Variants in MCF2L2 observed in about 807,000 individuals in gnomAD.
MCF2L2 encodes probable guanine nucleotide exchange factor MCF2L2.
In MCF2L2, 102 loss-of-function variants were observed where a neutral mutation model predicts 150.2. That is an observed-to-expected ratio of 0.68 (90% CI 0.58 to 0.80). MCF2L2 has a LOEUF of 0.80. Ranked by LOEUF, MCF2L2 falls within the 30% of genes least tolerant of loss-of-function variation. The probability of loss-of-function intolerance (pLI) is 0.00; values close to 1 mark genes in which losing one functional copy is unlikely to be tolerated. For synonymous variants in MCF2L2, 465 were observed against 491.3 expected, an observed-to-expected ratio of 0.95 and a Z score of 0.71; for missense variants, 1,256 against 1,372.8, an observed-to-expected ratio of 0.91 and a Z score of 1.34.
intron 3 of MCF2L2, among the ~76,000 whole-genome samples, chr3:183,365,565 A>C (rs1712472391): frequency 6.6e-6 from 1 of 152,238 alleles, no homozygotes; most frequent in Non-Finnish European, 1.5e-5. Context: ...CTGAATAGCC[A>C]TTTTGAGAAA....
rs370642645 is a variant in MCF2L2 at position 183,294,345 on chromosome 3, TTTG to T, written c.1675+952_1675+954del. On this transcript the variant is annotated intron_variant, in intron 13 of 29. Transcript: ENST00000328913. ...ATTATTATGTTATTATTATGATGCA[TTTG>T]TTGTTGTTGTTGTTGTTGTTGAGAC... Among the ~76,000 whole-genome samples, 26 of 151,544 alleles carry T rather than the reference TTTG, an allele frequency of 1.7e-4. No homozygotes were observed. In the South Asian group the frequency reaches 3.1e-3, roughly 18 times the overall value.
chr3:183,344,631 C>T (rs888469812), intron 3 of MCF2L2, among the ~76,000 whole-genome samples: 20 of 152,094 alleles, frequency 1.3e-4, no homozygotes, highest in Non-Finnish European at 2.6e-4. Context: ...CACAGACTGG[C>T]AAATTGGATA....
chr3:183,292,556 T>TACACACACACACAC (rs58788215), intron 13 of MCF2L2, among the ~76,000 whole-genome samples: 37 of 145,574 alleles, frequency 2.5e-4, no homozygotes, highest in African/African-American at 9.3e-4. Context: ...AGGGGGTATG[T>TACACACACACACAC]ACACACACAC....
chr3:183,419,249 A>C (rs957022438), intron 1 of MCF2L2, among the ~76,000 whole-genome samples: 3 of 152,038 alleles, frequency 2.0e-5, no homozygotes, highest in African/African-American at 7.2e-5. Flanking sequence ...AGAGCAGTGG[A>C]CCCCTGGGCC....
intron 1 of MCF2L2, among the ~76,000 whole-genome samples, chr3:183,421,912 G>C (rs1162734199): frequency 6.6e-6 from 1 of 152,130 alleles, no homozygotes; most frequent in Non-Finnish European, 1.5e-5. Flanking sequence ...ATGTTGCTTT[G>C]GTTGTGCCCA....
intron 2 of MCF2L2, among the ~76,000 whole-genome samples, chr3:183,384,649 C>T (rs996950902): frequency 3.3e-5 from 5 of 152,162 alleles, no homozygotes; most frequent in Non-Finnish European, 7.3e-5. Flanking sequence ...ACCAAGTTAT[C>T]CTTAAAAACT....
chr3:183,377,643 T>C (rs990084477), intron 3 of MCF2L2: 1 of 152,080 alleles, frequency 6.6e-6, no homozygotes, highest in Non-Finnish European at 1.5e-5. Flanking sequence ...ATAACTTCCA[T>C]AGGCAAAGGT....
At chr3:183,259,412 A>T (rs1409411127) in intron 15 of MCF2L2, among the ~76,000 whole-genome samples, 1 of 152,156 alleles carries the variant, frequency 6.6e-6, no homozygotes, top group Non-Finnish European at 1.5e-5. Flanking sequence ...TATTGATAGG[A>T]GAACTTGTAT....
intron 25 of MCF2L2, among the ~76,000 whole-genome samples, chr3:183,202,369 A>G (rs1722317622): frequency 6.6e-6 from 1 of 152,350 alleles, no homozygotes; most frequent in Non-Finnish European, 1.5e-5. Context: ...CAGGAATAAG[A>G]TGCTCATAGA....
At position 183,422,043 on chromosome 3, in the gene MCF2L2, G is replaced by A. The variant is rs556930376; in HGVS notation, c.76+5859C>T. ...CCACCTACCTACTGCTTGCTTTATC[G>A]TTTTCAACAATGCCCTGGGGCATAA... On this transcript the variant is annotated intron_variant, in intron 1 of 29. Coordinates refer to ENST00000328913, the MANE Select transcript of MCF2L2 (RefSeq NM_015078.4). 4.6e-5 allele frequency among the ~76,000 whole-genome samples: 7 copies of A among 152,184 alleles called. No individual in the cohort carries two copies. In the East Asian group the frequency reaches 1.2e-3, roughly 25 times the overall value.
chr3:183,350,306 A>AT (rs200874754), intron 3 of MCF2L2, among the ~76,000 whole-genome samples: 34,815 of 149,298 alleles, frequency 0.23, 4,694 homozygotes, highest in African/African-American at 0.38. Context: ...CTGGGGTGGG[A>AT]TTTTTTTTTT....
Position 183,318,061 on chromosome 3 carries a change from C to G in MCF2L2, c.753+7G>C, listed in dbSNP as rs1236663281. ...CACTGGCCTCTGAGAGGTCACTGAC[C>G]GCTCACCTGCAGCTTGTCCCGCTGC... On this transcript the variant is annotated splice_region_variant and intron_variant, in intron 7 of 29. Coordinates refer to ENST00000328913, the MANE Select transcript of MCF2L2 (RefSeq NM_015078.4). 34 of 1,612,754 alleles carry G rather than the reference C, an allele frequency of 2.1e-5. No homozygotes were observed. Among genetic ancestry groups the G allele is most frequent in the Non-Finnish European group, 2.6e-5 (31 of 1,179,564 alleles).
At chr3:183,334,636 T>G (rs775282992) in intron 5 of MCF2L2, among the ~76,000 whole-genome samples, 2 of 147,868 alleles carry the variant, frequency 1.4e-5, no homozygotes, top group Non-Finnish European at 3.0e-5. Flanking sequence ...AAAAAAAAAA[T>G]ACAAAAATTA....
At chr3:183,234,918 A>G (rs1723750458) in intron 15 of MCF2L2, among the ~76,000 whole-genome samples, 1 of 104,478 alleles carries the variant, frequency 9.6e-6, no homozygotes, top group African/African-American at 4.0e-5. Flanking sequence ...TCATTGTTCA[A>G]TTCCCACCTA....
At position 183,197,523 on chromosome 3, in the gene MCF2L2, G is replaced by T. The variant is rs1220707075; in HGVS notation, c.2885-2268C>A. ...ATGTAAAACTATAAAACTTCTGGAAGAAAACACAGGGAGAAAATCTTTATG... is the reference window on the plus strand; with the variant it reads ...ATGTAAAACTATAAAACTTCTGGAATAAAACACAGGGAGAAAATCTTTATG... On this transcript the variant is annotated intron_variant, in intron 25 of 29. Coordinates refer to ENST00000328913, the MANE Select transcript of MCF2L2 (RefSeq NM_015078.4). This position sits in a 1 kb window ranked among gnomAD's most constrained non-coding sequence, Gnocchi z 4.5. Among the ~76,000 whole-genome samples, 1 of 152,124 alleles carries T rather than the reference G, an allele frequency of 6.6e-6. No individual in the cohort carries two copies. The highest frequency in any genetic ancestry group is 1.5e-5 in the Non-Finnish European group (1 of 68,000).
chr3:183,364,804 T>G (rs1712427941), intron 3 of MCF2L2, among the ~76,000 whole-genome samples: 3 of 152,096 alleles, frequency 2.0e-5, no homozygotes, highest in Admixed American at 1.3e-4. Context: ...AATAAGTAAT[T>G]TCCTACGAAA....
intron 15 of MCF2L2, among the ~76,000 whole-genome samples, chr3:183,256,003 A>C (rs983394394): frequency 3.3e-5 from 5 of 152,214 alleles, no homozygotes; most frequent in Non-Finnish European, 5.9e-5. Context: ...TGCATTTCAG[A>C]ACACAGGAGG....
intron 15 of MCF2L2, among the ~76,000 whole-genome samples, chr3:183,264,565 T>G (rs1017203616): frequency 6.6e-6 from 1 of 152,248 alleles, no homozygotes; most frequent in Non-Finnish European, 1.5e-5. Context: ...AATACTCATA[T>G]ACTTGTAGGA....
intron 15 of MCF2L2, among the ~76,000 whole-genome samples, chr3:183,245,906 T>C (rs9815457): frequency 0.04 from 6,093 of 152,330 alleles, 383 homozygotes; most frequent in African/African-American, 0.14. Flanking sequence ...TCTCAGTTTC[T>C]ATATTTTGTC....
Sources: allele counts gnomAD v4.1 joint callset (sites outside exome capture counted in the v4.1 genomes callset), GRCh38; gene constraint gnomAD v4.1.1; non-coding constraint Gnocchi (gnomAD v3.1); transcripts MANE v1.5; gene names NCBI Gene and HGNC (gene_info 2026-07-23, HGNC 2026-07-21).